Variants in PLCE1 observed in about 807,000 individuals in gnomAD.
PLCE1 encodes 1-phosphatidylinositol 4,5-bisphosphate phosphodiesterase epsilon-1.
In PLCE1, 119 loss-of-function variants were observed where a neutral mutation model predicts 242.8. The observed-to-expected ratio is 0.49, with a 90% CI of 0.42 to 0.57. PLCE1 has a LOEUF of 0.57. Ranked by LOEUF, PLCE1 falls within the 20% of genes least tolerant of loss-of-function variation. The pLI is 0.00. For missense variants in PLCE1, 2,441 were observed against 2,788.8 expected, an observed-to-expected ratio of 0.88 and a Z score of 2.81; for synonymous variants, 945 against 1,017.4, an observed-to-expected ratio of 0.93 and a Z score of 1.35.
chr10:94,265,508 C>A, intron 14 of PLCE1, 139 bp from the exon 15 acceptor site: 1 of 748,380 alleles, frequency 1.3e-6, no homozygotes. Flanking sequence ...CTTACCACTA[C>A]GTTACTAAAT....
At chr10:94,290,670 A>G (rs1489072831) in intron 22 of PLCE1, among the ~76,000 whole-genome samples, 1 of 142,416 alleles carries the variant, frequency 7.0e-6, no homozygotes, top group Non-Finnish European at 1.5e-5. Flanking sequence ...TACAGTTAAC[A>G]TATATATATA....
chr10:94,026,153 CCTGAAG>C (rs961191847), intron 1 of PLCE1, among the ~76,000 whole-genome samples: 5 of 152,122 alleles, frequency 3.3e-5, no homozygotes, highest in Non-Finnish European at 7.4e-5. Flanking sequence ...AGTCCCCTCT[CCTGAAG>C]CTGAAAACTT....
chr10:94,219,451 C>G (rs1219656736), intron 4 of PLCE1, among the ~76,000 whole-genome samples: 1 of 152,166 alleles, frequency 6.6e-6, no homozygotes, highest in Non-Finnish European at 1.5e-5. Context: ...AGACAGCTCT[C>G]AACAGCTCCA....
intron 29 of PLCE1, among the ~76,000 whole-genome samples, chr10:94,317,468 G>A (rs2053614842): frequency 6.6e-6 from 1 of 152,036 alleles, no homozygotes; most frequent in Non-Finnish European, 1.5e-5. Context: ...TTCTATTCTG[G>A]GGATGACTGA....
At chr10:94,041,862 G>A (rs989097057) in intron 2 of PLCE1, among the ~76,000 whole-genome samples, 1 of 152,006 alleles carries the variant, frequency 6.6e-6, no homozygotes, top group Non-Finnish European at 1.5e-5. Context: ...TAAGAGACCT[G>A]AAACAGCACC....
chr10:94,283,724 T>C (rs1468392879), intron 20 of PLCE1, 66 bp from the exon 21 acceptor site: 1 of 1,548,168 alleles, frequency 6.5e-7, no homozygotes, highest in African/African-American at 1.4e-5. Flanking sequence ...CTCACAGTGA[T>C]GCACATGTAG....
At chr10:94,051,017 G>A (rs75029692) in intron 2 of PLCE1, among the ~76,000 whole-genome samples, 2,450 of 152,178 alleles carry the variant, frequency 0.016, 57 homozygotes, top group African/African-American at 0.056. Context: ...AGCTGAGGCA[G>A]AGTATTAATA....
intron 2 of PLCE1, chr10:94,104,460 G>A (rs2045653762): frequency 6.6e-6 from 1 of 152,160 alleles, no homozygotes; most frequent in African/African-American, 2.4e-5. Context: ...CCATGACCCT[G>A]GGGAGAAAAA....
chr10:94,075,823 T>C (rs1226131600), intron 2 of PLCE1, among the ~76,000 whole-genome samples: 1 of 152,218 alleles, frequency 6.6e-6, no homozygotes, highest in African/African-American at 2.4e-5. Context: ...CTCTTGAGTA[T>C]CACCCTTTGC....
At chr10:94,308,499 C>T in intron 26 of PLCE1, 82 bp from the exon 27 acceptor site, 1 of 945,796 alleles carries the variant, frequency 1.1e-6, no homozygotes, top group Non-Finnish European at 1.7e-6. Context: ...GGTCTTTCTA[C>T]CTGTCATTTG....
chr10:93,998,680 C>T (rs979319183), intron 1 of PLCE1, among the ~76,000 whole-genome samples: 1 of 152,156 alleles, frequency 6.6e-6, no homozygotes, highest in Non-Finnish European at 1.5e-5. Context: ...ACTGTTTCTT[C>T]CCCCAGGGCT....
intron 2 of PLCE1, among the ~76,000 whole-genome samples, chr10:94,089,714 A>G (rs952429957): frequency 8.5e-5 from 13 of 152,198 alleles, no homozygotes; most frequent in South Asian, 2.1e-4. Flanking sequence ...ATGGTATATT[A>G]TGTATCAACA....
At chr10:94,210,693 C>T (rs1183542634) in intron 4 of PLCE1, among the ~76,000 whole-genome samples, 1 of 152,196 alleles carries the variant, frequency 6.6e-6, no homozygotes, top group Non-Finnish European at 1.5e-5. Flanking sequence ...AGCTGGTGAG[C>T]AGCTGCTCCC....
chr10:94,301,754 G>C (rs529554745), intron 24 of PLCE1, among the ~76,000 whole-genome samples: 1 of 152,288 alleles, frequency 6.6e-6, no homozygotes, highest in Non-Finnish European at 1.5e-5. Flanking sequence ...CAAACCCCTG[G>C]TTATTGCTGG....
At chr10:94,043,838 G>A (rs1418922) in intron 2 of PLCE1, among the ~76,000 whole-genome samples, 48,083 of 151,976 alleles carry the variant, frequency 0.32, 8,218 homozygotes, top group African/African-American at 0.45. Flanking sequence ...ATTTTTGTGA[G>A]GAGAATGCCA....
At chr10:94,147,752 A>C (rs1370224562) in intron 3 of PLCE1, among the ~76,000 whole-genome samples, 1 of 152,248 alleles carries the variant, frequency 6.6e-6, no homozygotes. Flanking sequence ...CATAGCTCAC[A>C]GAAGTGTGAT....
chr10:93,997,764 A>G (rs2060855880), intron 1 of PLCE1, among the ~76,000 whole-genome samples: 1 of 151,070 alleles, frequency 6.6e-6, no homozygotes. Context: ...TGGATAGTTC[A>G]ACCACCGTAA....
Position 94,279,725 on chromosome 10 carries a change from T to A in PLCE1, c.4666-57T>A, listed in dbSNP as rs2052123885. ...TAAACATCAGGGGTAGTTTTAAAGG[T>A]TATAAATGAATTCATTAACTTGGCA... On this transcript the variant is annotated intron_variant, in intron 19 of 32. Coordinates refer to ENST00000371380, the MANE Select transcript of PLCE1 (RefSeq NM_016341.4). The A allele has an allele frequency of 1.0e-5, 16 of 1,586,848 alleles. No individual in the cohort carries two copies. The South Asian group carries it at 1.8e-4, about 18-fold the overall frequency.
intron 2 of PLCE1, among the ~76,000 whole-genome samples, chr10:94,094,236 C>T (rs1312599012): frequency 6.7e-6 from 1 of 149,064 alleles, no homozygotes; most frequent in Non-Finnish European, 1.5e-5. Context: ...CCACCGCGCC[C>T]GGCCTCGGTA....
Sources: allele counts gnomAD v4.1 joint callset (sites outside exome capture counted in the v4.1 genomes callset), GRCh38; gene constraint gnomAD v4.1.1; transcripts MANE v1.5; gene names NCBI Gene and HGNC (gene_info 2026-07-23, HGNC 2026-07-21).